Variants in ZW10 observed in about 807,000 individuals in gnomAD.
The protein encoded by ZW10 is centromere/kinetochore protein zw10 homolog.
Under a neutral mutation model 87.8 loss-of-function variants are expected in ZW10, and 53 were observed. That is an observed-to-expected ratio of 0.60 (90% CI 0.48 to 0.76). The LOEUF (loss-of-function observed/expected upper bound fraction) is 0.76, where lower values mean the gene tolerates loss of function less well. Ranked by LOEUF, ZW10 falls within the 30% of genes least tolerant of loss-of-function variation. The pLI is 0.00. For missense variants in ZW10, 837 were observed against 923.0 expected (o/e 0.91, Z 1.21); for synonymous variants, 312 against 329.2 (o/e 0.95, Z 0.57).
At chr11:113,772,818 C>CAAAAAAAAAAA (rs58651654) in intron 1 of ZW10, among the ~76,000 whole-genome samples, 3 of 93,430 alleles carry the variant, frequency 3.2e-5, no homozygotes, top group Non-Finnish European at 4.6e-5. Flanking sequence ...ACTAAAAATA[C>CAAAAAAAAAAA]AAAAAAAAAA....
rs962528381 is a variant in ZW10, at chr11:113,733,457, A to T, written c.*237T>A. On this transcript the variant is annotated 3_prime_UTR_variant, in exon 16 of 16. Coordinates refer to ENST00000200135, the MANE Select transcript of ZW10 (RefSeq NM_004724.4). ...TGACAGTTTGTTAGCTAATCAAAGG[A>T]AGATGGCTAGAAAGTCAATGAATTG... 8 of 506,102 alleles carry T rather than the reference A, an allele frequency of 1.6e-5. No individual in the cohort carries two copies. The highest frequency in any genetic ancestry group is 2.4e-5 in the Non-Finnish European group (7 of 288,194). The allele number at this position is 506,102 out of a possible 1,614,324, so 31.4% of individuals were successfully genotyped here. A position where few individuals can be genotyped will look rare whatever the true frequency, so the allele number is the denominator to read the frequency against.
At chr11:113,743,764 C>A in intron 10 of ZW10, 38 bp downstream of exon 10, 1 of 1,522,906 alleles carries the variant, frequency 6.6e-7, no homozygotes, top group Non-Finnish European at 9.1e-7. Flanking sequence ...TGCATTTAAC[C>A]AAGTCATTGC....
chr11:113,749,394 A>G (rs1019208337), intron 7 of ZW10, among the ~76,000 whole-genome samples: 4 of 152,202 alleles, frequency 2.6e-5, no homozygotes, highest in Admixed American at 6.5e-5. Flanking sequence ...GTTTAAAAAT[A>G]GAAGCAGGGG....
At chr11:113,763,549 A>C (rs1182571318) in intron 2 of ZW10, among the ~76,000 whole-genome samples, 1 of 152,136 alleles carries the variant, frequency 6.6e-6, no homozygotes, top group Non-Finnish European at 1.5e-5. Context: ...ACTTTTTAAT[A>C]ATCGCCATTC....
chr11:113,739,716 G>T (rs1295689455), intron 11 of ZW10, among the ~76,000 whole-genome samples: 1 of 152,154 alleles, frequency 6.6e-6, no homozygotes, highest in Non-Finnish European at 1.5e-5. Flanking sequence ...TACATCTATG[G>T]AAATACAGGT....
Position 113,767,722 on chromosome 11 carries a change from G to A in ZW10, c.240+1111C>T, listed in dbSNP as rs573092236. On this transcript the variant is annotated intron_variant, in intron 2 of 15. Transcript: ENST00000200135. ...GGTTCCACAGGGCCATCAAGATAAC[G>A]TCCACACTCTTTATCATGTTACTAC... is the stretch of plus-strand genomic sequence containing the variant. Among the ~76,000 whole-genome samples the A allele has an allele frequency of 2.0e-4, 31 of 152,098 alleles. No homozygotes were observed. In the South Asian group the frequency reaches 2.3e-3, roughly 11 times the overall value.
Position 113,741,583 on chromosome 11 carries a change from T to A in ZW10, c.1583+111A>T, listed in dbSNP as rs1953619592. 7.8e-6 allele frequency: 5 copies of A among 641,478 alleles called. No individual in the cohort carries two copies. In the Admixed American group the frequency reaches 1.5e-4, roughly 19 times the overall value. 39.7% of individuals were successfully genotyped at this position (641,478 alleles called of 1,614,324 possible). ...ATGATTTACTGCATTTTAGTGTGAA[T>A]GTTAGTAAACAAAATATCTTTAGTG... On this transcript the variant is annotated intron_variant, in intron 11 of 15. Coordinates refer to ENST00000200135, the MANE Select transcript of ZW10 (RefSeq NM_004724.4).
At chr11:113,769,344 C>T (rs1367174636) in intron 1 of ZW10, among the ~76,000 whole-genome samples, 3 of 152,052 alleles carry the variant, frequency 2.0e-5, no homozygotes, top group Admixed American at 1.3e-4. Context: ...CAGAAGTTCT[C>T]ATATTGAACT....
At chr11:113,750,802 C>A (rs1483432115) in intron 7 of ZW10, among the ~76,000 whole-genome samples, 1 of 151,174 alleles carries the variant, frequency 6.6e-6, no homozygotes, top group African/African-American at 2.4e-5. Flanking sequence ...AACTTGGATT[C>A]TTGCACAAAA....
intron 2 of ZW10, among the ~76,000 whole-genome samples, chr11:113,762,244 T>C (rs1025932763): frequency 7.2e-5 from 11 of 152,174 alleles, no homozygotes; most frequent in African/African-American, 2.7e-4. Flanking sequence ...AATATTTGTG[T>C]ATCTAAACAC....
intron 7 of ZW10, among the ~76,000 whole-genome samples, chr11:113,749,185 A>AACAC (rs144414125): frequency 2.7e-5 from 4 of 149,332 alleles, no homozygotes; most frequent in East Asian, 2.0e-4. Flanking sequence ...TTTAAACACA[A>AACAC]ACACACACAC....
At chr11:113,773,493 T>TCTCTC (rs1418413566) in intron 1 of ZW10, 69 bp downstream of exon 1, 85 of 1,377,906 alleles carry the variant, frequency 6.2e-5, no homozygotes, top group Middle Eastern at 5.5e-4. Context: ...CCCTGACTCC[T>TCTCTC]CTCTCCAGTC....
chr11:113,772,074 A>G (rs1180717274), intron 1 of ZW10, among the ~76,000 whole-genome samples: 2 of 152,158 alleles, frequency 1.3e-5, no homozygotes, highest in Admixed American at 1.3e-4. Flanking sequence ...GACATTTGAA[A>G]TGGAACTTGA....
intron 2 of ZW10, among the ~76,000 whole-genome samples, chr11:113,761,893 T>C (rs1309447040): frequency 2.0e-5 from 3 of 152,234 alleles, no homozygotes; most frequent in Non-Finnish European, 4.4e-5. Flanking sequence ...TAGTGATCTA[T>C]ATCCATTGTC....
chr11:113,754,042 ATTGGAAGAATATGCCATC>A (rs1193215123), intron 7 of ZW10, among the ~76,000 whole-genome samples: 1 of 151,056 alleles, frequency 6.6e-6, no homozygotes, highest in Non-Finnish European at 1.5e-5. Flanking sequence ...ATAACCTTCT[ATTGGAAGAATATGCCATC>A]TTGAACTTTT....
chr11:113,762,243 G>T (rs994811175), intron 2 of ZW10, among the ~76,000 whole-genome samples: 11 of 152,124 alleles, frequency 7.2e-5, no homozygotes, highest in African/African-American at 2.7e-4. Context: ...AAATATTTGT[G>T]TATCTAAACA....
At chr11:113,733,851 G>A (rs751014398) in intron 15 of ZW10, 37 bp from the exon 16 acceptor site, 2 of 1,552,068 alleles carry the variant, frequency 1.3e-6, no homozygotes, top group Non-Finnish European at 1.7e-6. Context: ...TTCCTATTAG[G>A]TCTCTGAAGT....
chr11:113,763,589 G>A (rs1020497545), intron 2 of ZW10, among the ~76,000 whole-genome samples: 2 of 152,160 alleles, frequency 1.3e-5, no homozygotes, highest in African/African-American at 2.4e-5. Context: ...TCTCATTGTG[G>A]TTTTGATTTG....
chr11:113,740,178 T>C, intron 11 of ZW10, among the ~76,000 whole-genome samples: 1 of 133,470 alleles, frequency 7.5e-6, no homozygotes. Context: ...GAATCACCTG[T>C]GGGGCTTAAA....
Sources: gnomAD v4.1 joint callset for allele counts (sites outside exome capture counted in the v4.1 genomes callset) on GRCh38, gnomAD v4.1.1 for gene constraint, MANE v1.5 for transcripts, NCBI Gene and HGNC (gene_info 2026-07-23, HGNC 2026-07-21) for gene names.